The following AHRR variants were observed in gnomAD, a reference collection of about 807,000 sequenced individuals.
AHRR encodes aryl hydrocarbon receptor repressor.
In AHRR, 28 loss-of-function variants were observed where a neutral mutation model predicts 44.0. That is an observed-to-expected ratio of 0.64 (90% CI 0.47 to 0.87). AHRR has a LOEUF of 0.87. Among genes scored for constraint, AHRR ranks in the 40% least tolerant of loss-of-function variants. The probability of loss-of-function intolerance (pLI) is 0.00; values close to 1 mark genes in which losing one functional copy is unlikely to be tolerated. For synonymous variants in AHRR, 434 were observed against 407.0 expected, an observed-to-expected ratio of 1.07 and a Z score of -0.80; for missense variants, 990 against 953.9, an observed-to-expected ratio of 1.04 and a Z score of -0.50.
chr5:394,940 C>T (rs1355939164), intron 4 of AHRR, among the ~76,000 whole-genome samples: 3 of 152,216 alleles, frequency 2.0e-5, no homozygotes, highest in South Asian at 2.1e-4. Context: ...GCGGTGCGGC[C>T]GTGTCAAGCT....
In AHRR at chr5:427,902, C is replaced by T. The variant is rs771912601; in HGVS notation, c.804C>T (p.Cys268=). The stretch of plus-strand genomic sequence containing the variant: ...TCCCGCCGCGGCTGTCGCTGTTCTG[C>T]ATTGCGGCACCCGTTCTCCTCCCCT... ...AMLPPRLSLF[C]IAAPVLLPSA... Residue 268 remains cysteine, a synonymous_variant, in exon 8 of 11, where the codon TGC becomes TGT. Coordinates refer to ENST00000684583, the MANE Select transcript of AHRR (RefSeq NM_001377236.1). 17 of 1,614,022 alleles carry T rather than the reference C, an allele frequency of 1.1e-5. No individual in the cohort carries two copies. The highest frequency in any genetic ancestry group is 1.4e-5 in the Non-Finnish European group (17 of 1,180,050).
chr5:352,954 C>T (rs1470787287), intron 2 of AHRR, among the ~76,000 whole-genome samples: 1 of 152,116 alleles, frequency 6.6e-6, no homozygotes, highest in Admixed American at 6.5e-5. Context: ...AGGGGATGGT[C>T]ACTCTGAGGT....
intron 1 of AHRR, among the ~76,000 whole-genome samples, chr5:332,929 C>CTTTTTTTTTTTTTTTTTTTT: frequency 7.6e-6 from 1 of 132,082 alleles, no homozygotes; most frequent in African/African-American, 3.0e-5. Context: ...TGACCTTTGT[C>CTTTTTTTTTTTTTTTTTTTT]TTTTTTTTTT....
chr5:323,524 C>G (rs1490434967), intron 1 of AHRR, among the ~76,000 whole-genome samples: 3 of 152,334 alleles, frequency 2.0e-5, no homozygotes, highest in Admixed American at 2.0e-4. Flanking sequence ...ACTACTTTAT[C>G]TTGATCCTTG....
chr5:369,211 T>C (rs368798730), intron 3 of AHRR, among the ~76,000 whole-genome samples: 63 of 152,330 alleles, frequency 4.1e-4, no homozygotes, highest in African/African-American at 1.5e-3. Context: ...CCTCACACTC[T>C]GTTAATACAC....
intron 4 of AHRR, among the ~76,000 whole-genome samples, chr5:393,976 C>G (rs1042011427): frequency 6.6e-6 from 1 of 152,224 alleles, no homozygotes; most frequent in African/African-American, 2.4e-5. Context: ...GGCGACGTGT[C>G]CTCTGTGAGT....
chr5:340,697 T>TA (rs1742313964), intron 1 of AHRR, among the ~76,000 whole-genome samples: 1 of 59,632 alleles, frequency 1.7e-5, no homozygotes, highest in African/African-American at 5.6e-5. Context: ...TATTTTTTTT[T>TA]TTTTTTTTTT....
Position 423,764 on chromosome 5 carries a change from G to A in AHRR, c.572-77G>A, listed in dbSNP as rs1389510319. The A allele has an allele frequency of 2.8e-5, 42 of 1,510,704 alleles. No homozygotes were observed. In the South Asian group the frequency reaches 3.6e-4, roughly 13 times the overall value. The allele number at this position is 1,510,704 out of a possible 1,614,324, so 93.6% of individuals were successfully genotyped here. On this transcript the variant is annotated intron_variant, in intron 6 of 10. Coordinates refer to ENST00000684583, the MANE Select transcript of AHRR (RefSeq NM_001377236.1). ...TTACATGACCTGGCGCGTGAGAGCC[G>A]TGGGCGTGGTTGTGCGTGTGACACG...
intron 5 of AHRR, among the ~76,000 whole-genome samples, chr5:414,323 G>GTT (rs201731828): frequency 6.6e-6 from 1 of 151,800 alleles, no homozygotes; most frequent in East Asian, 1.9e-4. Flanking sequence ...CAACGGAGCT[G>GTT]TTTTTTTTGT....
chr5:415,819 A>G (rs1203281674), intron 5 of AHRR, among the ~76,000 whole-genome samples: 2 of 152,172 alleles, frequency 1.3e-5, no homozygotes, highest in Non-Finnish European at 2.9e-5. Context: ...ACGTCTGCGC[A>G]GGCCCTGAGG....
intron 1 of AHRR, among the ~76,000 whole-genome samples, chr5:329,858 GT>G (rs766995172): frequency 6.6e-6 from 1 of 152,094 alleles, no homozygotes; most frequent in African/African-American, 2.4e-5. Context: ...AAATCTAAGA[GT>G]TTTTTTGGTA....
At chr5:397,453 TTAGCCCCTGACCATCCACA>T (rs1175361245) in intron 4 of AHRR, among the ~76,000 whole-genome samples, 1,277 of 86,910 alleles carry the variant, frequency 0.015, 2 homozygotes, top group African/African-American at 0.052. Flanking sequence ...ACCATCCATG[TTAGCCCCTGACCATCCACA>T]TAGCCCCTGA....
chr5:340,035 G>A lies in AHRR; in HGVS notation c.-10-3858G>A, dbSNP rs1008083943. On this transcript the variant is annotated intron_variant, in intron 1 of 10. Coordinates refer to ENST00000684583, the MANE Select transcript of AHRR (RefSeq NM_001377236.1). ...CTTTTCGTGCAATGCCTTTGGTGTGGCATCAGAGTAATGCTGAATTCGTAA... is the reference window on the plus strand; with the variant it reads ...CTTTTCGTGCAATGCCTTTGGTGTGACATCAGAGTAATGCTGAATTCGTAA... Among the ~76,000 whole-genome samples the A allele has an allele frequency of 7.9e-5, 12 of 152,236 alleles. No individual in the cohort carries two copies. The South Asian group carries it at 8.3e-4, about 11-fold the overall frequency.
chr5:433,760 T>TGATTTCGTAGCCTCCCTTAGA (rs1736850598), intron 10 of AHRR, 93 bp from the exon 11 acceptor site: 1 of 1,338,018 alleles, frequency 7.5e-7, no homozygotes, highest in African/African-American at 1.5e-5. Context: ...AGCATCGTCC[T>TGATTTCGTAGCCTCCCTTAGA]GATTTCGTAG....
chr5:424,452 A>G (rs1353226121), intron 7 of AHRR, among the ~76,000 whole-genome samples: 1 of 150,802 alleles, frequency 6.6e-6, no homozygotes, highest in Non-Finnish European at 1.5e-5. Context: ...GTGTTAACCC[A>G]TGTGTCTCTG....
At chr5:422,664 C>G in intron 5 of AHRR, 65 bp from the exon 6 acceptor site, 1 of 1,610,916 alleles carries the variant, frequency 6.2e-7, no homozygotes, top group Non-Finnish European at 8.5e-7. Context: ...GGTTACTCGT[C>G]GGTGGAATAA....
rs2126526703 is a variant in AHRR at position 419,955 on chromosome 5, T to C, written c.442-2774T>C. ...TAGAATAAGAACTCCGAAAGGTTCCTTGTGGATCCCCTTTTCTGGCCATCG... is the reference window on the plus strand; with the variant it reads ...TAGAATAAGAACTCCGAAAGGTTCCCTGTGGATCCCCTTTTCTGGCCATCG... On this transcript the variant is annotated intron_variant, in intron 5 of 10. Transcript: ENST00000684583. The surrounding 1 kb of genome is among the most constrained non-coding windows in gnomAD (Gnocchi z 4.4). Among the ~76,000 whole-genome samples the C allele has an allele frequency of 6.6e-6, 1 of 152,350 alleles. No individual in the cohort carries two copies. Among genetic ancestry groups the C allele is most frequent in the Admixed American group, 6.5e-5 (1 of 15,298 alleles).
At chr5:355,451 G>A (rs570606241) in intron 3 of AHRR, among the ~76,000 whole-genome samples, 3 of 152,322 alleles carry the variant, frequency 2.0e-5, no homozygotes, top group Admixed American at 2.0e-4. Context: ...TGGGGCAGCC[G>A]GCAGGGAGGC....
intron 4 of AHRR, among the ~76,000 whole-genome samples, chr5:384,389 C>T (rs1431681164): frequency 1.3e-5 from 2 of 152,136 alleles, no homozygotes; most frequent in Non-Finnish European, 2.9e-5. Context: ...TTATATTTGT[C>T]ATATGTATTA....
Sources: gnomAD v4.1 joint callset for allele counts (sites outside exome capture counted in the v4.1 genomes callset) on GRCh38, gnomAD v4.1.1 for gene constraint, Gnocchi (gnomAD v3.1) non-coding constraint, MANE v1.5 for transcripts, NCBI Gene and HGNC (gene_info 2026-07-23, HGNC 2026-07-21) for gene names.